The following DDX47 variants were observed in gnomAD, a reference collection of about 807,000 sequenced individuals.
DDX47 encodes the protein probable ATP-dependent RNA helicase DDX47.
A neutral mutation model predicts 58.8 loss-of-function variants in DDX47; 60 were observed. The observed-to-expected ratio is 1.02, with a 90% CI of 0.83 to 1.26. The LOEUF is 1.26. Ranked by LOEUF, DDX47 falls within the 50% of genes most tolerant of loss-of-function variation. The probability of loss-of-function intolerance (pLI) is 0.00; values close to 1 mark genes in which losing one functional copy is unlikely to be tolerated. For missense variants in DDX47, 530 were observed against 573.2 expected (o/e 0.92, Z 0.77); for synonymous variants, 197 against 204.6 (o/e 0.96, Z 0.32).
chr12:12,821,449 AGT>A (rs1565447016), intron 3 of DDX47, 53 bp downstream of exon 3: 1 of 1,593,780 alleles, frequency 6.3e-7, no homozygotes, highest in East Asian at 2.2e-5. Flanking sequence ...GTGAAGAATG[AGT>A]GTGGAGGAAG....
At chr12:12,824,721 TTCTTAATGGACTG>T (rs1455801178) in intron 9 of DDX47, 44 bp downstream of exon 9, 1 of 1,578,938 alleles carries the variant, frequency 6.3e-7, no homozygotes, top group Non-Finnish European at 8.7e-7. Flanking sequence ...TAAAGTGTAT[TTCTTAATGGACTG>T]TCTTCTGTCT....
intron 6 of DDX47, 136 bp from the exon 7 acceptor site, chr12:12,823,067 C>T: frequency 1.5e-6 from 1 of 687,428 alleles, no homozygotes; most frequent in Non-Finnish European, 2.6e-6. Flanking sequence ...ATCCAATAAC[C>T]TCCCACCAGG....
intron 2 of DDX47, among the ~76,000 whole-genome samples, chr12:12,819,642 G>A (rs1211873888): frequency 6.6e-6 from 1 of 152,084 alleles, no homozygotes; most frequent in Non-Finnish European, 1.5e-5. Flanking sequence ...TGTCCAACTG[G>A]TTTTTAGACA....
Position 12,826,080 on chromosome 12 carries a change from T to C in DDX47, c.1106+10T>C, listed in dbSNP as rs1348938628. ...TTACTTTTGTCACACAGTAAGTAAA[T>C]CAGCTTTAGGGCCGAGCAATGTAGA... On this transcript the variant is annotated intron_variant, in intron 10 of 11. Transcript: ENST00000358007. The C allele has an allele frequency of 6.2e-7, 1 of 1,612,582 alleles. No individual in the cohort carries two copies. The highest frequency in any genetic ancestry group is 1.1e-5 in the South Asian group (1 of 90,826).
chr12:12,813,385 A>C lies in DDX47; in HGVS notation c.18A>C (p.Glu6Asp). 6.2e-7 allele frequency: 1 copy of C among 1,613,584 alleles called. No individual in the cohort carries two copies. The highest frequency in any genetic ancestry group is 2.2e-5 in the East Asian group (1 of 44,860). The stretch of plus-strand genomic sequence containing the variant: ...CACACAAGATGGCGGCACCCGAGGA[A>C]CACGATTCTCCGACCGAAGCGTCCC... MAAPE[E>D]HDSPTEASQP... The change falls in exon 1 of 12, where the codon GAA becomes GAC. Residue 6 changes from glutamate (E) to aspartate (D), a missense_variant. Glu to Asp is a conservative substitution (Grantham distance 45). Coordinates refer to ENST00000358007, the MANE Select transcript of DDX47 (RefSeq NM_016355.4).
Position 12,813,550 on chromosome 12 carries a change from G to A in DDX47, c.87+96G>A, listed in dbSNP as rs1467166000. ...GATCCCGCTCTGATAGTGTACAAAA[G>A]CATCTTGGGGCCTAGCTTGGGTTTT... On this transcript the variant is annotated intron_variant, in intron 1 of 11. Transcript: ENST00000358007. The A allele has an allele frequency of 9.0e-6, 10 of 1,115,104 alleles. 1 individual carries two copies. The highest frequency in any genetic ancestry group is 3.1e-5 in the African/African-American group (2 of 64,130). The allele number at this position is 1,115,104 out of a possible 1,614,324, so 69.1% of individuals were successfully genotyped here. A position where few individuals can be genotyped will look rare whatever the true frequency, so the allele number is the denominator to read the frequency against.
chr12:12,828,778 T>C (rs1307125433), intron 11 of DDX47, among the ~76,000 whole-genome samples: 1 of 152,208 alleles, frequency 6.6e-6, no homozygotes, highest in Admixed American at 6.5e-5. Flanking sequence ...ATTGATAACA[T>C]TTGGCTATTT....
chr12:12,818,396 CTGTAGTCCCAGCTACTCGG>C (rs949738862), intron 2 of DDX47, among the ~76,000 whole-genome samples: 1 of 152,100 alleles, frequency 6.6e-6, no homozygotes, highest in African/African-American at 2.4e-5. Flanking sequence ...TGACGGGCAC[CTGTAGTCCCAGCTACTCGG>C]GAGGCTGAGG....
chr12:12,824,717 G>A (rs1388537415), intron 9 of DDX47, 40 bp downstream of exon 9: 3 of 1,589,834 alleles, frequency 1.9e-6, no homozygotes, highest in Non-Finnish European at 2.6e-6. Context: ...GTCCTAAAGT[G>A]TATTTCTTAA....
At chr12:12,827,448 C>T in intron 11 of DDX47, 73 bp downstream of exon 11, 1 of 1,517,374 alleles carries the variant, frequency 6.6e-7, no homozygotes, top group Non-Finnish European at 9.0e-7. Context: ...TATATTAACC[C>T]TCATACTAAA....
chr12:12,813,371 G>T lies in DDX47; in HGVS notation c.4G>T (p.Ala2Ser). Residue 2 changes from alanine to serine, a missense_variant, in exon 1 of 12, where the codon GCG (alanine) becomes TCG (serine). Ala to Ser is a moderately conservative substitution (Grantham distance 99). Transcript: ENST00000358007. The stretch of plus-strand genomic sequence containing the variant: ...ACTTCCGGAGACCTCACACAAGATG[G>T]CGGCACCCGAGGAACACGATTCTCC... MAAPEEHDSPTE... is the reference protein window; with the variant it reads MSAPEEHDSPTE... 1.9e-6 allele frequency: 3 copies of T among 1,613,222 alleles called. No individual in the cohort carries two copies. Among genetic ancestry groups the T allele is most frequent in the Non-Finnish European group, 2.5e-6 (3 of 1,179,562 alleles).
intron 2 of DDX47, among the ~76,000 whole-genome samples, chr12:12,816,861 C>CT (rs1470992468): frequency 6.6e-6 from 1 of 152,182 alleles, no homozygotes; most frequent in African/African-American, 2.4e-5. Context: ...ACTTTTCCAG[C>CT]TTGCCCTACA....
rs1240659826 is a variant in DDX47, at chr12:12,827,277, C to T, written c.1138C>T (p.His380Tyr). The T allele has an allele frequency of 8.1e-6, 13 of 1,614,046 alleles. No individual in the cohort carries two copies. Among genetic ancestry groups the T allele is most frequent in the African/African-American group, 1.3e-5 (1 of 74,916 alleles). ...TGTGGAACTCTTCCAGCGCATAGAA[C>T]ACTTAATTGGGAAGAAACTACCAGG... The part of the protein sequence containing the change: ...YDVELFQRIE[H>Y]LIGKKLPGFP... The change falls in exon 11 of 12, where the codon CAC (histidine) becomes TAC (tyrosine). Residue 380 changes from histidine to tyrosine, a missense_variant. By Grantham distance (83) the His-to-Tyr change is moderately conservative. Coordinates refer to ENST00000358007, the MANE Select transcript of DDX47 (RefSeq NM_016355.4).
intron 5 of DDX47, 61 bp from the exon 6 acceptor site, chr12:12,822,600 A>G: frequency 1.4e-6 from 2 of 1,396,012 alleles, no homozygotes; most frequent in Non-Finnish European, 2.0e-6. Flanking sequence ...CACTACCTAG[A>G]GGATTTGCAG....
chr12:12,828,513 A>C (rs896730623), intron 11 of DDX47, among the ~76,000 whole-genome samples: 70 of 152,310 alleles, frequency 4.6e-4, no homozygotes, highest in African/African-American at 1.6e-3. Context: ...TAACAGTAAT[A>C]GTGGTGATGA....
intron 2 of DDX47, chr12:12,820,850 A>G: frequency 3.6e-6 from 1 of 277,044 alleles, no homozygotes; most frequent in South Asian, 3.7e-5. Flanking sequence ...TTACAGGAAT[A>G]TCCTTTCTTC....
chr12:12,824,002 G>C lies in DDX47; in HGVS notation c.883G>C (p.Gly295Arg). ...TGGCTTCACTGCCATCCCCCTCCAT[G>C]GACAAATGAGTCAGGTAAGGATTCA... is the stretch of plus-strand genomic sequence containing the variant. ...NLGFTAIPLH[G>R]QMSQSKRLGS... Residue 295 changes from glycine (G) to arginine (R), a missense_variant, in exon 8 of 12, where the codon GGA becomes CGA. Gly to Arg is a moderately radical substitution (Grantham distance 125). Coordinates refer to ENST00000358007, the MANE Select transcript of DDX47 (RefSeq NM_016355.4). 1 of 1,613,690 alleles carries C rather than the reference G, an allele frequency of 6.2e-7. No individual in the cohort carries two copies. The highest frequency in any genetic ancestry group is 8.5e-7 in the Non-Finnish European group (1 of 1,179,884).
intron 8 of DDX47, 127 bp downstream of exon 8, chr12:12,824,143 G>A: frequency 8.3e-7 from 1 of 1,206,520 alleles, no homozygotes; most frequent in Non-Finnish European, 1.1e-6. Flanking sequence ...GTAATTTTAT[G>A]GGCTTTGAAG....
At chr12:12,827,701 A>G (rs1863073292) in intron 11 of DDX47, among the ~76,000 whole-genome samples, 1 of 152,134 alleles carries the variant, frequency 6.6e-6, no homozygotes. Flanking sequence ...CTGATTTCTC[A>G]GAATCAGAAT....
Sources: gnomAD v4.1 joint callset for allele counts (sites outside exome capture counted in the v4.1 genomes callset) on GRCh38, gnomAD v4.1.1 for gene constraint, MANE v1.5 for transcripts, NCBI Gene and HGNC (gene_info 2026-07-23, HGNC 2026-07-21) for gene names.